Variants in CHMP3 observed in about 807,000 individuals in gnomAD.
The protein encoded by CHMP3 is charged multivesicular body protein 3, also known as 25.1 protein.
CHMP3 carries 8 observed loss-of-function variants against 27.4 expected under a neutral mutation model. The observed-to-expected ratio is 0.29, with a 90% CI of 0.17 to 0.53. The LOEUF is 0.53. Ranked by LOEUF, CHMP3 falls within the 20% of genes least tolerant of loss-of-function variation. The probability of loss-of-function intolerance (pLI) is 0.96; values close to 1 mark genes in which losing one functional copy is unlikely to be tolerated. For missense variants in CHMP3, 208 were observed against 271.5 expected, an observed-to-expected ratio of 0.77 and a Z score of 1.64; for synonymous variants, 86 against 85.5, an observed-to-expected ratio of 1.01 and a Z score of -0.03.
intron 2 of CHMP3, among the ~76,000 whole-genome samples, chr2:86,535,616 C>T (rs1234534107): frequency 2.0e-5 from 3 of 152,142 alleles, no homozygotes; most frequent in Non-Finnish European, 4.4e-5. Context: ...AAGCGATTCT[C>T]CTGCCTCAGC....
Position 86,503,963 on chromosome 2 carries a change from A to G in CHMP3, c.*1841T>C, listed in dbSNP as rs996358271. ...AGGGTGGGAAAAGGGACAGGACCAG[A>G]AAAGTAACTATTGGGTACTAGGCTT... On this transcript the variant is annotated 3_prime_UTR_variant, in exon 6 of 6. Coordinates refer to ENST00000263856, the MANE Select transcript of CHMP3 (RefSeq NM_016079.4). The G allele has an allele frequency of 1.1e-4, 17 of 152,244 alleles. No homozygotes were observed. Among genetic ancestry groups the G allele is most frequent in the African/African-American group, 3.9e-4 (16 of 41,466 alleles). 9.4% of individuals were successfully genotyped at this position (152,244 alleles called of 1,614,324 possible).
At chr2:86,543,968 C>T (rs1486251327) in intron 1 of CHMP3, among the ~76,000 whole-genome samples, 1 of 152,222 alleles carries the variant, frequency 6.6e-6, no homozygotes, top group Non-Finnish European at 1.5e-5. Context: ...CTCTTCCTAT[C>T]TCCCCCTCCC....
chr2:86,555,686 T>C (rs1402832480), intron 1 of CHMP3, among the ~76,000 whole-genome samples: 1 of 152,136 alleles, frequency 6.6e-6, no homozygotes, highest in Admixed American at 6.6e-5. Context: ...GTTTGCAGTC[T>C]CACCATCCAA....
intron 3 of CHMP3, among the ~76,000 whole-genome samples, chr2:86,522,371 A>G (rs1357583381): frequency 1.3e-5 from 2 of 151,870 alleles, no homozygotes; most frequent in African/African-American, 4.8e-5. Flanking sequence ...CCTCGTACCT[A>G]CTCTGCTGTA....
chr2:86,547,628 T>C (rs1429737283), intron 1 of CHMP3, among the ~76,000 whole-genome samples: 5 of 152,202 alleles, frequency 3.3e-5, no homozygotes, highest in Non-Finnish European at 7.3e-5. Flanking sequence ...TATAATGTTA[T>C]GTTAGAGTTA....
chr2:86,542,362 C>T (rs368061431), intron 1 of CHMP3, 50 bp from the exon 2 acceptor site: 31 of 1,538,514 alleles, frequency 2.0e-5, no homozygotes, highest in Non-Finnish European at 2.3e-5. Context: ...AAACTCCTAA[C>T]TCAATCTAAT....
At chr2:86,540,427 TG>T (rs1187891109) in intron 2 of CHMP3, among the ~76,000 whole-genome samples, 2 of 152,116 alleles carry the variant, frequency 1.3e-5, no homozygotes, top group Non-Finnish European at 2.9e-5. Context: ...CCAACATGCT[TG>T]GGACCAAATG....
chr2:86,563,289 C>T lies in CHMP3; in HGVS notation c.45+15G>A, dbSNP rs778611268. On this transcript the variant is annotated intron_variant, in intron 1 of 5. Coordinates refer to ENST00000263856, the MANE Select transcript of CHMP3 (RefSeq NM_016079.4). ...ACAGATCCACCCGCTTATCTGCCGC[C>T]GCCGTAGCCCTTACCAGTTCTTTGG... 10 of 1,613,586 alleles carry T rather than the reference C, an allele frequency of 6.2e-6. No individual in the cohort carries two copies. Among genetic ancestry groups the T allele is most frequent in the Admixed American group, 1.7e-5 (1 of 59,978 alleles).
intron 2 of CHMP3, among the ~76,000 whole-genome samples, chr2:86,530,332 C>T (rs1441320316): frequency 6.6e-6 from 1 of 152,136 alleles, no homozygotes; most frequent in Non-Finnish European, 1.5e-5. Flanking sequence ...ATTCTGCACC[C>T]ATTGAACAGT....
At chr2:86,560,248 C>A (rs1292529016) in intron 1 of CHMP3, among the ~76,000 whole-genome samples, 2 of 151,332 alleles carry the variant, frequency 1.3e-5, no homozygotes, top group African/African-American at 4.9e-5. Flanking sequence ...GGCGACAGAG[C>A]GAGACTCCAT....
intron 3 of CHMP3, among the ~76,000 whole-genome samples, chr2:86,524,425 TCAA>T (rs1487799489): frequency 3.3e-5 from 5 of 152,202 alleles, no homozygotes; most frequent in African/African-American, 7.2e-5. Flanking sequence ...TCAAAAATAT[TCAA>T]CAACAACGAA....
chr2:86,517,335 G>A (rs1430102134), intron 3 of CHMP3, among the ~76,000 whole-genome samples: 1 of 152,100 alleles, frequency 6.6e-6, no homozygotes, highest in Admixed American at 6.5e-5. Flanking sequence ...GGGAGACTGA[G>A]GAGGGCAGAT....
At chr2:86,522,737 C>G (rs900002804) in intron 3 of CHMP3, among the ~76,000 whole-genome samples, 5 of 152,208 alleles carry the variant, frequency 3.3e-5, no homozygotes, top group African/African-American at 1.2e-4. Flanking sequence ...TTAGGTCCCA[C>G]TGCCTCCAAT....
rs76729021 is a variant in CHMP3 at position 86,539,052 on chromosome 2, G to A, written c.106+3200C>T. ...AAGTATAGCCAATAGCTTGACTTCT[G>A]AGAACATAAATTCATTTTGCAGTTG... On this transcript the variant is annotated intron_variant, in intron 2 of 5. Coordinates refer to ENST00000263856, the MANE Select transcript of CHMP3 (RefSeq NM_016079.4). Among the ~76,000 whole-genome samples, 14 of 152,120 alleles carry A rather than the reference G, an allele frequency of 9.2e-5. No individual in the cohort carries two copies. In the East Asian group the frequency reaches 2.3e-3, roughly 25 times the overall value.
chr2:86,529,989 G>A (rs769231561), intron 2 of CHMP3, among the ~76,000 whole-genome samples: 18 of 151,584 alleles, frequency 1.2e-4, no homozygotes, highest in African/African-American at 3.4e-4. Flanking sequence ...CAGACACCCC[G>A]AACTCTTTTT....
At chr2:86,522,772 C>CCTGTGCT (rs887385792) in intron 3 of CHMP3, among the ~76,000 whole-genome samples, 2 of 152,210 alleles carry the variant, frequency 1.3e-5, no homozygotes, top group Non-Finnish European at 1.5e-5. Flanking sequence ...CCTCCCTGCA[C>CCTGTGCT]CTGTGCTCTG....
Position 86,505,682 on chromosome 2 carries a change from A to G in CHMP3, c.*122T>C, listed in dbSNP as rs554468555. The G allele has an allele frequency of 5.4e-6, 7 of 1,290,682 alleles. No homozygotes were observed. In the East Asian group the frequency reaches 1.7e-4, roughly 31 times the overall value. 80.0% of individuals were successfully genotyped at this position (1,290,682 alleles called of 1,614,324 possible). On this transcript the variant is annotated 3_prime_UTR_variant, in exon 6 of 6. Transcript: ENST00000263856. Reference sequence around the variant, plus strand: ...GATCCCAAAACCTGGGCAGAGAATGAAAAGAGACAAACAGAACCTTCTCCA... The same window carrying G: ...GATCCCAAAACCTGGGCAGAGAATGGAAAGAGACAAACAGAACCTTCTCCA...
chr2:86,545,884 C>A (rs553337830), intron 1 of CHMP3, among the ~76,000 whole-genome samples: 1 of 149,618 alleles, frequency 6.7e-6, no homozygotes, highest in South Asian at 2.1e-4. Context: ...CCAGACAGGG[C>A]GGCCGGGCAG....
chr2:86,555,442 C>CA (rs1471536186), intron 1 of CHMP3, among the ~76,000 whole-genome samples: 2 of 150,884 alleles, frequency 1.3e-5, no homozygotes, highest in Non-Finnish European at 2.9e-5. Context: ...GTGGAGACTG[C>CA]AGTGAGCCGA....
Sources: allele counts gnomAD v4.1 joint callset (sites outside exome capture counted in the v4.1 genomes callset), GRCh38; gene constraint gnomAD v4.1.1; transcripts MANE v1.5; gene names NCBI Gene and HGNC (gene_info 2026-07-23, HGNC 2026-07-21).